The following SEC61A1 variants were observed in gnomAD, a reference collection of about 807,000 sequenced individuals.
SEC61A1 encodes the protein protein transport protein Sec61 subunit alpha isoform 1.
Under a neutral mutation model 55.2 loss-of-function variants are expected in SEC61A1, and 15 were observed. The observed-to-expected ratio is 0.27, with a 90% CI of 0.18 to 0.42. The LOEUF (loss-of-function observed/expected upper bound fraction) is 0.42. Ranked by LOEUF, SEC61A1 falls within the 10% of genes least tolerant of loss-of-function variation. The pLI, the probability that SEC61A1 is intolerant of heterozygous loss-of-function variation, is 1.00. For synonymous variants in SEC61A1, 247 were observed against 234.0 expected, an observed-to-expected ratio of 1.06 and a Z score of -0.51; for missense variants, 284 against 602.6, an observed-to-expected ratio of 0.47 and a Z score of 5.53.
chr3:128,069,487 C>A lies in SEC61A1; in HGVS notation c.1256C>A (p.Thr419Lys). ...GTCCCCTCCCCCAGGTACATCCCCA[C>A]AGCCGCGGCCTTTGGTGGGCTGTGC... ...MVHELNRYIP[T>K]AAAFGGLCIG... Residue 419 changes from threonine (T) to lysine (K), a missense_variant, in exon 12 of 12, where the codon ACA (threonine) becomes AAA (lysine). By Grantham distance (78) the Thr-to-Lys change is moderately conservative. Coordinates refer to ENST00000243253, the MANE Select transcript of SEC61A1 (RefSeq NM_013336.4). 1 of 1,611,558 alleles carries A rather than the reference C, an allele frequency of 6.2e-7. No individual in the cohort carries two copies. Among genetic ancestry groups the A allele is most frequent in the Non-Finnish European group, 8.5e-7 (1 of 1,179,892 alleles).
chr3:128,059,617 C>G (rs926986379), intron 5 of SEC61A1, among the ~76,000 whole-genome samples: 4 of 152,120 alleles, frequency 2.6e-5, no homozygotes, highest in Non-Finnish European at 5.9e-5. Context: ...TACCCCAGAG[C>G]TAATAATTCT....
rs185188046 is a variant in SEC61A1 at position 128,065,984 on chromosome 3, C to T, written c.777+947C>T. Among the ~76,000 whole-genome samples the T allele has an allele frequency of 2.3e-3, 346 of 151,960 alleles. 3 individuals are homozygous for T. The highest frequency in any genetic ancestry group is 7.9e-3 in the African/African-American group (327 of 41,462). ...GTCTCGATCTCCTGACCTCGTGATC[C>T]GCCCGCCTCCACATTACAAAGCGCT... On this transcript the variant is annotated intron_variant, in intron 8 of 11. Coordinates refer to ENST00000243253, the MANE Select transcript of SEC61A1 (RefSeq NM_013336.4).
At chr3:128,051,762 T>G (rs986783203), upstream of SEC61A1, 2 of 1,509,244 alleles carry the variant, frequency 1.3e-6, no homozygotes. Context: ...TGAATTCTTC[T>G]GTGAGGCAGA....
In SEC61A1 at chr3:128,068,837, G is replaced by C. The variant is rs1292722205; in HGVS notation, c.1245-639G>C. The C allele has an allele frequency of 2.6e-5, 4 of 152,494 alleles. No individual in the cohort carries two copies. In the East Asian group the frequency reaches 7.7e-4, roughly 29 times the overall value. 9.4% of individuals were successfully genotyped at this position (152,494 alleles called of 1,614,324 possible). A position where few individuals can be genotyped will look rare whatever the true frequency, so the allele number is the denominator to read the frequency against. On this transcript the variant is annotated intron_variant, in intron 11 of 11. Transcript: ENST00000243253. ...CAGAAGCAGCCACAGACAGACAACAGACAAATGAGCATGGCCGTGTTCCTA... is the reference window on the plus strand; with the variant it reads ...CAGAAGCAGCCACAGACAGACAACACACAAATGAGCATGGCCGTGTTCCTA...
chr3:128,059,169 AGAC>A (rs1227656773), intron 5 of SEC61A1, among the ~76,000 whole-genome samples: 1 of 152,094 alleles, frequency 6.6e-6, no homozygotes, highest in Non-Finnish European at 1.5e-5. Flanking sequence ...TAAGAAATGA[AGAC>A]ACCCTACAAA....
chr3:128,063,335 A>G lies in SEC61A1; in HGVS notation c.617-1542A>G, dbSNP rs180690543. Among the ~76,000 whole-genome samples the G allele has an allele frequency of 1.6e-3, 243 of 152,246 alleles. 1 individual carries two copies. The highest frequency in any genetic ancestry group is 5.4e-3 in the African/African-American group (225 of 41,570). On this transcript the variant is annotated intron_variant, in intron 7 of 11. Transcript: ENST00000243253. ...AAAGTGGCCATCAAATACAGTCCCTATTTGACTTTTTGTTGTTGTTGAGAC... is the reference window on the plus strand; with the variant it reads ...AAAGTGGCCATCAAATACAGTCCCTGTTTGACTTTTTGTTGTTGTTGAGAC...
At chr3:128,066,041 C>T (rs1359817534) in intron 8 of SEC61A1, among the ~76,000 whole-genome samples, 1 of 152,046 alleles carries the variant, frequency 6.6e-6, no homozygotes, top group Non-Finnish European at 1.5e-5. Flanking sequence ...CGCACCCGGC[C>T]TTAAGTATTT....
At chr3:128,056,914 T>G (rs1941780042) in intron 5 of SEC61A1, 74 bp downstream of exon 5, 1 of 1,199,290 alleles carries the variant, frequency 8.3e-7, no homozygotes, top group East Asian at 3.0e-5. Flanking sequence ...TGGTATCAGT[T>G]TTTCTTTTTT....
chr3:128,054,845 G>C (rs1941748750), intron 2 of SEC61A1, among the ~76,000 whole-genome samples: 1 of 152,166 alleles, frequency 6.6e-6, no homozygotes. Context: ...TTGGGTGGGA[G>C]GTTTTCTAAT....
intron 2 of SEC61A1, 30 bp from the exon 3 acceptor site, chr3:128,055,486 C>T (rs1941757585): frequency 6.4e-7 from 1 of 1,563,198 alleles, no homozygotes; most frequent in African/African-American, 1.4e-5. Flanking sequence ...AAAGTAACTC[C>T]CTGCTTCAAT....
At chr3:128,051,906 G>C, upstream of SEC61A1, 1 of 1,535,704 alleles carries the variant, frequency 6.5e-7, no homozygotes, top group Non-Finnish European at 8.7e-7. Flanking sequence ...CAGCGAGGGT[G>C]CTCGGTAAGC....
At chr3:128,053,773 C>T (rs1941727511) in intron 2 of SEC61A1, among the ~76,000 whole-genome samples, 1 of 152,196 alleles carries the variant, frequency 6.6e-6, no homozygotes, top group African/African-American at 2.4e-5. Context: ...AGGTCCCACC[C>T]TTTACATAGC....
In SEC61A1 at chr3:128,055,406, A is replaced by G; in HGVS notation, c.76-110A>G. The G allele has an allele frequency of 3.5e-6, 3 of 853,558 alleles. No homozygotes were observed. In the Admixed American group the frequency reaches 5.3e-5, roughly 15 times the overall value. The allele number at this position is 853,558 out of a possible 1,614,324, so 52.9% of individuals were successfully genotyped here. On this transcript the variant is annotated intron_variant, in intron 2 of 11. Transcript: ENST00000243253. ...TTGGCTTCTCTGCTGAACAGAGAAAAGAGTCTGGTTGGAGTCCATTTTTAG... is the reference window on the plus strand; with the variant it reads ...TTGGCTTCTCTGCTGAACAGAGAAAGGAGTCTGGTTGGAGTCCATTTTTAG...
chr3:128,065,307 A>G, intron 8 of SEC61A1: 1 of 594,248 alleles, frequency 1.7e-6, no homozygotes, highest in Non-Finnish European at 3.0e-6. Context: ...GGTAAGATAC[A>G]TTTTTAAGTT....
chr3:128,063,650 T>A (rs1030246173), intron 7 of SEC61A1, among the ~76,000 whole-genome samples: 18 of 152,162 alleles, frequency 1.2e-4, no homozygotes, highest in African/African-American at 2.9e-4. Flanking sequence ...TTGACTTTTT[T>A]AAAAGTGCTC....
rs1942113438 is a variant in SEC61A1 at position 128,069,995 on chromosome 3, T to G, written c.*333T>G. ...TGTATGCGGCTGCAGCCGTCTCACC[T>G]GTTTCCCCACAAAGGGAATTTCTCA... On this transcript the variant is annotated 3_prime_UTR_variant, in exon 12 of 12. Coordinates refer to ENST00000243253, the MANE Select transcript of SEC61A1 (RefSeq NM_013336.4). The G allele has an allele frequency of 5.3e-6, 1 of 189,162 alleles. No homozygotes were observed. Among genetic ancestry groups the G allele is most frequent in the African/African-American group, 2.3e-5 (1 of 42,746 alleles). 11.7% of individuals were successfully genotyped at this position (189,162 alleles called of 1,614,324 possible).
chr3:128,059,729 G>A (rs1941826972), intron 5 of SEC61A1, among the ~76,000 whole-genome samples: 1 of 152,038 alleles, frequency 6.6e-6, no homozygotes, highest in African/African-American at 2.4e-5. Flanking sequence ...CATTGAGTTT[G>A]GGTGCTGCAG....
At chr3:128,052,968 T>G (rs865888463) in intron 2 of SEC61A1, 66 bp downstream of exon 2, 9 of 1,311,144 alleles carry the variant, frequency 6.9e-6, no homozygotes, top group Non-Finnish European at 9.8e-6. Context: ...AAGTTTACAG[T>G]ATGATTAAAA....
At chr3:128,058,201 ATTTTTTTTTTTTTT>A (rs57508280) in intron 5 of SEC61A1, among the ~76,000 whole-genome samples, 1 of 79,358 alleles carries the variant, frequency 1.3e-5, no homozygotes, top group Non-Finnish European at 2.2e-5. Context: ...AAATACGTCT[ATTTTTTTTTTTTTT>A]TTTTTTTTTT....
Sources: allele counts gnomAD v4.1 joint callset (sites outside exome capture counted in the v4.1 genomes callset), GRCh38; gene constraint gnomAD v4.1.1; transcripts MANE v1.5; gene names NCBI Gene and HGNC (gene_info 2026-07-23, HGNC 2026-07-21).